ADAM22: variants seen among roughly 807,000 people sequenced by gnomAD.
ADAM22 encodes ADAM metallopeptidase domain 22.
ADAM22 carries 65 observed loss-of-function variants against 144.6 expected under a neutral mutation model. That is an observed-to-expected ratio of 0.45 (90% CI 0.37 to 0.55). ADAM22 has a LOEUF of 0.55. ADAM22 is among the 20% of genes least tolerant of loss of function. The pLI is 0.00. For synonymous variants in ADAM22, 391 were observed against 412.6 expected, an observed-to-expected ratio of 0.95 and a Z score of 0.63; for missense variants, 974 against 1,184.9, an observed-to-expected ratio of 0.82 and a Z score of 2.61.
At chr7:88,005,146 CACAA>C (rs1310606918) in intron 3 of ADAM22, among the ~76,000 whole-genome samples, 2 of 152,098 alleles carry the variant, frequency 1.3e-5, no homozygotes, top group African/African-American at 2.4e-5. Flanking sequence ...AACACACACA[CACAA>C]ACAAATAATT....
At chr7:88,019,070 C>CA (rs3216246) in intron 3 of ADAM22, among the ~76,000 whole-genome samples, 5,962 of 142,086 alleles carry the variant, frequency 0.042, 327 homozygotes, top group African/African-American at 0.13. Flanking sequence ...ACTACTAAAC[C>CA]AAAAAAAAAA....
intron 5 of ADAM22, among the ~76,000 whole-genome samples, chr7:88,110,064 T>G (rs186618008): frequency 2.2e-3 from 331 of 152,370 alleles, no homozygotes; most frequent in African/African-American, 7.5e-3. Context: ...AAGACTTCCA[T>G]TTCCTTGTTT....
chr7:88,191,878 C>T (rs1024127933), intron 30 of ADAM22, among the ~76,000 whole-genome samples: 1 of 152,154 alleles, frequency 6.6e-6, no homozygotes, highest in East Asian at 1.9e-4. Context: ...TTCACTACTA[C>T]TATCTTAGGG....
intron 3 of ADAM22, among the ~76,000 whole-genome samples, chr7:88,052,886 T>C (rs889321437): frequency 6.6e-6 from 1 of 152,256 alleles, no homozygotes; most frequent in Non-Finnish European, 1.5e-5. Context: ...CCATCATTCA[T>C]GTTGAATCTT....
At chr7:88,175,568 G>T (rs1335903361) in intron 26 of ADAM22, among the ~76,000 whole-genome samples, 1 of 152,082 alleles carries the variant, frequency 6.6e-6, no homozygotes, top group East Asian at 1.9e-4. Flanking sequence ...TTATATTTTG[G>T]CTATTGTTCA....
intron 3 of ADAM22, among the ~76,000 whole-genome samples, chr7:88,027,849 A>G (rs1224924042): frequency 1.3e-5 from 2 of 150,052 alleles, no homozygotes; most frequent in Non-Finnish European, 3.0e-5. Context: ...TGTTGCCCAG[A>G]GGCATTATCT....
chr7:88,159,613 A>G (rs1840998873), intron 22 of ADAM22, among the ~76,000 whole-genome samples: 2 of 152,310 alleles, frequency 1.3e-5, no homozygotes, highest in South Asian at 4.1e-4. Context: ...TACGCAAATT[A>G]GTAAATGTGA....
chr7:88,042,104 G>C (rs1280863342), intron 3 of ADAM22, among the ~76,000 whole-genome samples: 1 of 151,922 alleles, frequency 6.6e-6, no homozygotes, highest in Non-Finnish European at 1.5e-5. Context: ...TTGCTGTACT[G>C]TCTAAATCAT....
chr7:88,182,532 C>G (rs186630218), intron 29 of ADAM22, among the ~76,000 whole-genome samples: 1 of 152,270 alleles, frequency 6.6e-6, no homozygotes, highest in Admixed American at 6.5e-5. Context: ...TTTAAATTTT[C>G]TATCTGAGAA....
rs1851206957 is a variant in ADAM22, at chr7:88,201,610, C to CT, written c.*5120dup. 1.3e-5 allele frequency: 2 copies of CT among 152,308 alleles called. No homozygotes were observed. The highest frequency in any genetic ancestry group is 4.1e-4 in the South Asian group (2 of 4,832). The allele number at this position is 152,308 out of a possible 1,614,324, so 9.4% of individuals were successfully genotyped here. On this transcript the variant is annotated 3_prime_UTR_variant, in exon 32 of 32. Transcript: ENST00000413139. ...TCCATAATAGGCCAGTCACTCCTGC[C>CT]TGATGCATCCCTGTTGCACTGTTCA... is the stretch of plus-strand genomic sequence containing the variant.
At chr7:88,088,754 C>T (rs2129484437) in intron 4 of ADAM22, among the ~76,000 whole-genome samples, 1 of 152,196 alleles carries the variant, frequency 6.6e-6, no homozygotes, top group Non-Finnish European at 1.5e-5. Flanking sequence ...AGGTACACAA[C>T]GTGTTAGAGA....
intron 8 of ADAM22, among the ~76,000 whole-genome samples, chr7:88,127,564 C>T (rs1302854644): frequency 6.6e-6 from 1 of 151,778 alleles, no homozygotes; most frequent in African/African-American, 2.4e-5. Flanking sequence ...CTATTATTCC[C>T]TATCACCTTG....
chr7:87,974,756 T>C (rs1851491147), intron 2 of ADAM22, among the ~76,000 whole-genome samples: 1 of 152,176 alleles, frequency 6.6e-6, no homozygotes, highest in African/African-American at 2.4e-5. Flanking sequence ...AAGCCTGAAA[T>C]AGGTCTTACA....
intron 2 of ADAM22, among the ~76,000 whole-genome samples, chr7:87,953,645 C>G (rs147530713): frequency 6.6e-6 from 1 of 151,962 alleles, no homozygotes. Context: ...AGTTCTGTAG[C>G]TGTCTATTAG....
At chr7:88,140,533 G>A (rs1467875267) in intron 14 of ADAM22, among the ~76,000 whole-genome samples, 1 of 152,160 alleles carries the variant, frequency 6.6e-6, no homozygotes, top group African/African-American at 2.4e-5. Flanking sequence ...TGGTTCCTTT[G>A]CCTGGCAAGA....
intron 2 of ADAM22, among the ~76,000 whole-genome samples, chr7:87,962,430 G>T (rs1046741961): frequency 6.6e-6 from 1 of 152,196 alleles, no homozygotes; most frequent in Non-Finnish European, 1.5e-5. Context: ...GTGGAAGATG[G>T]TATAGCTATA....
At chr7:88,099,479 T>G (rs1231878436) in intron 4 of ADAM22, among the ~76,000 whole-genome samples, 6 of 152,154 alleles carry the variant, frequency 3.9e-5, no homozygotes, top group African/African-American at 1.4e-4. Flanking sequence ...TAGTGGGAAG[T>G]AAACATGCCT....
intron 3 of ADAM22, among the ~76,000 whole-genome samples, chr7:87,989,471 C>T (rs538268267): frequency 4.5e-4 from 69 of 152,236 alleles, no homozygotes; most frequent in African/African-American, 1.5e-3. Flanking sequence ...ATGATTATAG[C>T]GCACTACAGC....
At chr7:87,965,006 G>A (rs371094850) in intron 2 of ADAM22, among the ~76,000 whole-genome samples, 3 of 152,096 alleles carry the variant, frequency 2.0e-5, no homozygotes, top group Admixed American at 1.3e-4. Flanking sequence ...TTCTCTTACA[G>A]ACACACACCA....
Sources: gnomAD v4.1 joint callset for allele counts (sites outside exome capture counted in the v4.1 genomes callset) on GRCh38, gnomAD v4.1.1 for gene constraint, MANE v1.5 for transcripts, NCBI Gene and HGNC (gene_info 2026-07-23, HGNC 2026-07-21) for gene names.